C3orf49: variants seen among roughly 807,000 people sequenced by gnomAD.
The protein encoded by C3orf49 is chromosome 3 open reading frame 49, also known as putative uncharacterized protein C3orf49.
In C3orf49, 27 loss-of-function variants were observed where a neutral mutation model predicts 13.3. That is an observed-to-expected ratio of 2.02 (90% confidence interval 1.49 to 2.79). C3orf49 has a LOEUF of 2.79. C3orf49 is among the 30% of genes most tolerant of loss of function. The pLI, the probability that C3orf49 is intolerant of heterozygous loss-of-function variation, is 0.00. For synonymous variants in C3orf49, 87 were observed against 47.6 expected (o/e 1.83, Z -3.40); for missense variants, 242 against 134.2 (o/e 1.80, Z -3.97).
intron 5 of C3orf49, among the ~76,000 whole-genome samples, chr3:63,839,499 GAAGAA>G (rs1452518854): frequency 4.6e-5 from 7 of 152,096 alleles, no homozygotes; most frequent in Admixed American, 4.6e-4. Context: ...CCTTTGAAGA[GAAGAA>G]AAGGCCAAGA....
chr3:63,821,621 A>AAAGATATG (rs1245060113), intron 1 of C3orf49, among the ~76,000 whole-genome samples: 2 of 152,188 alleles, frequency 1.3e-5, no homozygotes. Context: ...TCAGCAATAA[A>AAAGATATG]AAGATATGAA....
intron 1 of C3orf49, among the ~76,000 whole-genome samples, chr3:63,822,686 G>A (rs1487454645): frequency 6.6e-6 from 1 of 152,180 alleles, no homozygotes. Context: ...TATGAAGATG[G>A]TACACGTAGT....
chr3:63,838,543 T>C (rs757955069), intron 5 of C3orf49: 40 of 1,552,662 alleles, frequency 2.6e-5, no homozygotes, highest in Admixed American at 1.7e-4. Flanking sequence ...ATTTGTGGAC[T>C]GACAAAAGTG....
At chr3:63,815,360 C>A (rs556477994), upstream of C3orf49, among the ~76,000 whole-genome samples, 2 of 152,288 alleles carry the variant, frequency 1.3e-5, no homozygotes, top group Admixed American at 6.5e-5. Flanking sequence ...GTACTCCTCA[C>A]CCCCATCTGT....
chr3:63,782,136 C>G, the C3orf49 span, among the ~76,000 whole-genome samples: 1 of 152,080 alleles, frequency 6.6e-6, no homozygotes, highest in Non-Finnish European at 1.5e-5. Context: ...CCAGAATCTC[C>G]CTTGAGGATA....
the C3orf49 span, among the ~76,000 whole-genome samples, chr3:63,796,792 G>A: frequency 1.3e-5 from 2 of 152,034 alleles, no homozygotes; most frequent in Non-Finnish European, 2.9e-5. Flanking sequence ...TCAACTAAAA[G>A]GAGAAATACA....
chr3:63,784,759 G>C, the C3orf49 span: 1 of 152,196 alleles, frequency 6.6e-6, no homozygotes, highest in South Asian at 2.1e-4. Flanking sequence ...TCAGGAGGCT[G>C]AGGCAGGTGA....
At chr3:63,836,332 G>T in intron 5 of C3orf49, 1 of 1,612,600 alleles carries the variant, frequency 6.2e-7, no homozygotes, top group Non-Finnish European at 8.5e-7. Flanking sequence ...GGATGGTGCT[G>T]AATCACTTTT....
intron 5 of C3orf49, among the ~76,000 whole-genome samples, chr3:63,836,120 T>C (rs1175800430): frequency 6.6e-6 from 1 of 152,006 alleles, no homozygotes. Context: ...ATTTTAGACA[T>C]ATAGCTGGTA....
chr3:63,820,027 A>G (rs1483550764), intron 1 of C3orf49, among the ~76,000 whole-genome samples: 1 of 152,210 alleles, frequency 6.6e-6, no homozygotes, highest in African/African-American at 2.4e-5. Flanking sequence ...ACATTTCACT[A>G]TGGACACATT....
chr3:63,843,866 A>C (rs956543919), intron 5 of C3orf49, among the ~76,000 whole-genome samples: 3 of 151,860 alleles, frequency 2.0e-5, no homozygotes, highest in African/African-American at 7.3e-5. Flanking sequence ...ACGCCACTGC[A>C]CTCCAGCCTG....
At chr3:63,834,351 G>T in intron 5 of C3orf49, 1 of 731,698 alleles carries the variant, frequency 1.4e-6, no homozygotes, top group Non-Finnish European at 2.1e-6. Flanking sequence ...TTATGTGATA[G>T]ACTTCACTTA....
In C3orf49 at chr3:63,823,432, C is replaced by CA; in HGVS notation, c.309dup (p.Cys104MetfsTer9). ...TCCTACAAGTATAGAAGCAAGCCAGCATGTGCCAGCCAAGAGGGCTCCACT... is the reference window on the plus strand; with the variant it reads ...TCCTACAAGTATAGAAGCAAGCCAGCAATGTGCCAGCCAAGAGGGCTCCACT... On this transcript the variant is annotated frameshift_variant, in exon 2 of 7. Transcript: ENST00000295896. LOFTEE classifies it high-confidence loss of function. The CA allele has an allele frequency of 1.4e-6, 1 of 703,250 alleles. No individual in the cohort carries two copies. The highest frequency in any genetic ancestry group is 2.6e-6 in the Non-Finnish European group (1 of 385,072). The allele number at this position is 703,250 out of a possible 1,614,324, so 43.6% of individuals were successfully genotyped here. A position where few individuals can be genotyped will look rare whatever the true frequency, so the allele number is the denominator to read the frequency against.
intron 1 of C3orf49, among the ~76,000 whole-genome samples, chr3:63,820,710 G>A (rs560178776): frequency 2.2e-4 from 33 of 152,242 alleles, no homozygotes; most frequent in Admixed American, 2.0e-3. Flanking sequence ...AGGGGTCTAC[G>A]GGAGATTAAT....
the C3orf49 span, chr3:63,782,339 C>A: frequency 6.6e-6 from 1 of 151,758 alleles, no homozygotes; most frequent in Non-Finnish European, 1.5e-5. Context: ...TCAAAAAAAA[C>A]AAACAAACAT....
the C3orf49 span, among the ~76,000 whole-genome samples, chr3:63,806,813 C>T: frequency 6.6e-6 from 1 of 152,134 alleles, no homozygotes; most frequent in South Asian, 2.1e-4. Context: ...AGTATTCCTT[C>T]TCAGTGTTTG....
At chr3:63,822,667 T>G (rs999782446) in intron 1 of C3orf49, among the ~76,000 whole-genome samples, 1 of 152,346 alleles carries the variant, frequency 6.6e-6, no homozygotes, top group African/African-American at 2.4e-5. Flanking sequence ...TAATAAAATA[T>G]GCCAAAATTA....
the C3orf49 span, among the ~76,000 whole-genome samples, chr3:63,800,189 T>C: frequency 2.6e-5 from 4 of 152,260 alleles, no homozygotes; most frequent in South Asian, 2.1e-4. Flanking sequence ...CAATCACACA[T>C]AAAACCACTA....
At chr3:63,798,518 G>T in the C3orf49 span, among the ~76,000 whole-genome samples, 1 of 152,106 alleles carries the variant, frequency 6.6e-6, no homozygotes, top group Non-Finnish European at 1.5e-5. Context: ...TAAAGTATGT[G>T]CCTATCACAT....
Sources: allele counts gnomAD v4.1 joint callset (sites outside exome capture counted in the v4.1 genomes callset), GRCh38; gene constraint gnomAD v4.1.1; transcripts MANE v1.5; gene names NCBI Gene and HGNC (gene_info 2026-07-23, HGNC 2026-07-21).